Variants in SUCO observed in about 807,000 individuals in gnomAD.
The protein encoded by SUCO is SUN domain-containing ossification factor.
SUCO carries 57 observed loss-of-function variants against 148.1 expected under a neutral mutation model. The observed-to-expected ratio is 0.38, with a 90% CI of 0.31 to 0.48. The LOEUF (loss-of-function observed/expected upper bound fraction) is 0.48. Among genes scored for constraint, SUCO ranks in the 20% least tolerant of loss-of-function variants. The pLI is 0.96. For missense variants in SUCO, 1,331 were observed against 1,468.2 expected (o/e 0.91, Z 1.53); for synonymous variants, 470 against 502.7 (o/e 0.93, Z 0.87).
At chr1:172,587,133 C>A (rs1656301804) in intron 17 of SUCO, among the ~76,000 whole-genome samples, 1 of 152,002 alleles carries the variant, frequency 6.6e-6, no homozygotes, top group African/African-American at 2.4e-5. Context: ...TTGTTGAAAG[C>A]TGTAGTCACA....
intron 1 of SUCO, among the ~76,000 whole-genome samples, chr1:172,539,780 G>C (rs979524650): frequency 6.6e-6 from 1 of 152,132 alleles, no homozygotes; most frequent in Admixed American, 6.5e-5. Flanking sequence ...AAATAAGATG[G>C]CCTAGGTTTC....
intron 19 of SUCO, among the ~76,000 whole-genome samples, chr1:172,594,372 A>C (rs1656921164): frequency 6.6e-6 from 1 of 151,708 alleles, no homozygotes; most frequent in Admixed American, 6.6e-5. Flanking sequence ...TTGTGATGTT[A>C]GGGTATCAAT....
chr1:172,549,829 G>A (rs555632169), intron 1 of SUCO, among the ~76,000 whole-genome samples: 6 of 150,220 alleles, frequency 4.0e-5, no homozygotes, highest in Non-Finnish European at 8.9e-5. Context: ...ATTAAAGATC[G>A]TAGGTTGCCA....
chr1:172,593,234 A>G (rs1196595929), intron 19 of SUCO, among the ~76,000 whole-genome samples: 1 of 152,164 alleles, frequency 6.6e-6, no homozygotes, highest in Non-Finnish European at 1.5e-5. Flanking sequence ...GGACAATTTG[A>G]CTTCCTCTTT....
At chr1:172,603,224 C>T (rs1268886435) in intron 22 of SUCO, 1 of 156,800 alleles carries the variant, frequency 6.4e-6, no homozygotes, top group Non-Finnish European at 1.4e-5. Context: ...TTTTTTTTAG[C>T]TCCAGAACCT....
At chr1:172,568,744 T>G (rs1448189016) in intron 6 of SUCO, among the ~76,000 whole-genome samples, 11 of 152,136 alleles carry the variant, frequency 7.2e-5, no homozygotes, top group Admixed American at 6.5e-5. Flanking sequence ...ATTGTTTGCT[T>G]TAGAGTTTTA....
In SUCO at chr1:172,546,818, A is replaced by C. The variant is rs2149223035; in HGVS notation, c.63-4694A>C. ...CAGCTATTCTGGAGGCTGAGGTGGAAGGATCACTTGAGCCCGGGAAGGGGG... is the reference window on the plus strand; with the variant it reads ...CAGCTATTCTGGAGGCTGAGGTGGACGGATCACTTGAGCCCGGGAAGGGGG... On this transcript the variant is annotated intron_variant, in intron 1 of 23. Transcript: ENST00000263688. Among the ~76,000 whole-genome samples, 3 of 152,320 alleles carry C rather than the reference A, an allele frequency of 2.0e-5. 1 individual carries two copies. Among genetic ancestry groups the C allele is most frequent in the Middle Eastern group, 6.8e-3 (2 of 294 alleles).
chr1:172,559,860 C>T (rs550764969), intron 6 of SUCO, among the ~76,000 whole-genome samples: 138 of 152,174 alleles, frequency 9.1e-4, no homozygotes, highest in South Asian at 2.1e-3. Context: ...AATTTGCTTC[C>T]GTCTGGGACC....
intron 6 of SUCO, 102 bp from the exon 7 acceptor site, chr1:172,568,916 TA>T: frequency 8.8e-7 from 1 of 1,139,568 alleles, no homozygotes; most frequent in Non-Finnish European, 1.2e-6. Flanking sequence ...TCATTCATTA[TA>T]AATTGGAACT....
intron 2 of SUCO, chr1:172,551,961 G>T (rs1003315883): frequency 6.3e-6 from 1 of 159,598 alleles, no homozygotes; most frequent in African/African-American, 2.4e-5. Flanking sequence ...AGAACTATTA[G>T]AAGTGAGTAT....
intron 6 of SUCO, among the ~76,000 whole-genome samples, chr1:172,562,327 A>ATTTTTTTTT (rs34871543): frequency 2.9e-5 from 4 of 137,704 alleles, no homozygotes; most frequent in Non-Finnish European, 3.1e-5. Context: ...GGGTTTTAAC[A>ATTTTTTTTT]TTTTTTTTTT....
At chr1:172,544,532 GT>G (rs1225492007) in intron 1 of SUCO, among the ~76,000 whole-genome samples, 2 of 152,172 alleles carry the variant, frequency 1.3e-5, no homozygotes, top group Non-Finnish European at 2.9e-5. Context: ...ACCCTTATTA[GT>G]TTCTTGCCCC....
intron 15 of SUCO, 82 bp downstream of exon 15, chr1:172,579,349 G>C (rs1259729840): frequency 1.2e-6 from 1 of 828,234 alleles, no homozygotes; most frequent in South Asian, 1.6e-5. Flanking sequence ...GTATGGTTGA[G>C]GAGAATTCTC....
At chr1:172,559,628 G>T (rs1235215883) in intron 6 of SUCO, among the ~76,000 whole-genome samples, 21 of 152,212 alleles carry the variant, frequency 1.4e-4, no homozygotes, top group Non-Finnish European at 2.8e-4. Context: ...CTCAGAAGCA[G>T]TTCTGCAGTC....
intron 14 of SUCO, chr1:172,578,682 T>A: frequency 6.3e-6 from 2 of 315,564 alleles, no homozygotes; most frequent in Non-Finnish European, 9.2e-6. Flanking sequence ...AAAAATCTGT[T>A]AAACTCACAA....
intron 21 of SUCO, 24 bp downstream of exon 21, chr1:172,602,242 A>C (rs756087488): frequency 2.4e-5 from 37 of 1,554,516 alleles, no homozygotes; most frequent in South Asian, 3.6e-5. Context: ...TATATTTCAC[A>C]ATTTTATTTT....
chr1:172,551,124 T>C (rs1653263222), intron 1 of SUCO, among the ~76,000 whole-genome samples: 1 of 152,112 alleles, frequency 6.6e-6, no homozygotes, highest in African/African-American at 2.4e-5. Context: ...TCTATGCTTT[T>C]AAACAGTTGA....
upstream of SUCO, chr1:172,532,430 G>T (rs745932723): frequency 9.4e-6 from 14 of 1,490,572 alleles, no homozygotes; most frequent in East Asian, 2.3e-5. Context: ...AATTCTTGCT[G>T]AAGAGAAGAA....
intron 8 of SUCO, 112 bp from the exon 9 acceptor site, chr1:172,570,551 A>T: frequency 1.4e-6 from 1 of 718,916 alleles, no homozygotes; most frequent in Non-Finnish European, 2.4e-6. Flanking sequence ...TTAAAGTCTT[A>T]GGTGTACTTA....
Sources: allele counts gnomAD v4.1 joint callset (sites outside exome capture counted in the v4.1 genomes callset), GRCh38; gene constraint gnomAD v4.1.1; transcripts MANE v1.5; gene names NCBI Gene and HGNC (gene_info 2026-07-23, HGNC 2026-07-21).